The following P2RY8 variants were observed in gnomAD, a reference collection of about 807,000 sequenced individuals.
The protein encoded by P2RY8 is S-geranylgeranyl-glutathione receptor P2RY8.
In P2RY8, 6 loss-of-function variants were observed where a neutral mutation model predicts 10.0. The observed-to-expected ratio is 0.60, with a 90% CI of 0.33 to 1.19. The LOEUF (loss-of-function observed/expected upper bound fraction) is 1.19. Among genes scored for constraint, P2RY8 ranks in the 50% most tolerant of loss-of-function variants. P2RY8 has a pLI of 0.04. For synonymous variants in P2RY8, 276 were observed against 252.5 expected, an observed-to-expected ratio of 1.09 and a Z score of -0.88; for missense variants, 456 against 542.0, an observed-to-expected ratio of 0.84 and a Z score of 1.58.
chrX:1,462,989 A>G lies in P2RY8; in HGVS notation c.*2490T>C, dbSNP rs1325386000. On this transcript the variant is annotated 3_prime_UTR_variant, in exon 2 of 2. Transcript: ENST00000381297. ...ATCATCATACTGACAAAAAAAAAAA[A>G]TCGACGCATTTTGCCTGCTTGCAAC... 1.4e-5 allele frequency: 3 copies of G among 219,930 alleles called. No individual in the cohort carries two copies. The highest frequency in any genetic ancestry group is 6.9e-5 in the African/African-American group (3 of 43,236). The allele number at this position is 219,930 out of a possible 1,614,324, so 13.6% of individuals were successfully genotyped here.
chrX:1,492,575 T>G (rs1466058031), intron 1 of P2RY8, among the ~76,000 whole-genome samples: 2 of 152,066 alleles, frequency 1.3e-5, no homozygotes, highest in Non-Finnish European at 2.9e-5. Flanking sequence ...CTGACAACCA[T>G]GTAAGCTCCT....
intron 1 of P2RY8, among the ~76,000 whole-genome samples, chrX:1,516,091 G>A (rs1189378056): frequency 6.6e-6 from 1 of 151,642 alleles, no homozygotes; most frequent in Non-Finnish European, 1.5e-5. Flanking sequence ...CACCTACTTG[G>A]GAGGCTGAGG....
intron 1 of P2RY8, among the ~76,000 whole-genome samples, chrX:1,499,214 G>A (rs182368527): frequency 7.1e-4 from 105 of 147,156 alleles, no homozygotes; most frequent in Middle Eastern, 3.6e-3. Flanking sequence ...CCAGGCTGGA[G>A]TGCAATGGCA....
chrX:1,516,336 G>A (rs1424484196), intron 1 of P2RY8, among the ~76,000 whole-genome samples: 1 of 152,106 alleles, frequency 6.6e-6, no homozygotes, highest in Non-Finnish European at 1.5e-5. Context: ...AACCCTGTGG[G>A]GACACAGGGA....
At chrX:1,481,093 A>G (rs2091929939) in intron 1 of P2RY8, among the ~76,000 whole-genome samples, 1 of 151,860 alleles carries the variant, frequency 6.6e-6, no homozygotes, top group Admixed American at 6.6e-5. Context: ...GAAGTACCGG[A>G]ACTCTCATTG....
chrX:1,536,418 A>T (rs1405522248), intron 1 of P2RY8, among the ~76,000 whole-genome samples: 4 of 151,800 alleles, frequency 2.6e-5, no homozygotes, highest in African/African-American at 9.7e-5. Flanking sequence ...CCCACCACCA[A>T]GCCCAGCTAA....
intron 1 of P2RY8, among the ~76,000 whole-genome samples, chrX:1,510,447 C>T (rs2092290725): frequency 6.6e-6 from 1 of 152,176 alleles, no homozygotes; most frequent in South Asian, 2.1e-4. Flanking sequence ...GGATCCCCTG[C>T]TCCACCAGCC....
At chrX:1,512,072 C>T (rs753504710) in intron 1 of P2RY8, among the ~76,000 whole-genome samples, 7 of 151,984 alleles carry the variant, frequency 4.6e-5, no homozygotes, top group South Asian at 4.2e-4. Context: ...CCCAGGCTGG[C>T]GGGGGGGTCT....
intron 1 of P2RY8, among the ~76,000 whole-genome samples, chrX:1,468,480 G>T (rs1316871656): frequency 2.0e-5 from 3 of 152,188 alleles, no homozygotes; most frequent in Admixed American, 6.5e-5. Context: ...TGAGGAACGC[G>T]CATGACTAAT....
intron 1 of P2RY8, among the ~76,000 whole-genome samples, chrX:1,477,640 G>A (rs147792588): frequency 1.2e-4 from 18 of 152,182 alleles, no homozygotes; most frequent in African/African-American, 3.1e-4. Flanking sequence ...GGGAAGATGC[G>A]TCTGGCATCT....
At chrX:1,519,859 T>A (rs2092377948) in intron 1 of P2RY8, among the ~76,000 whole-genome samples, 1 of 151,458 alleles carries the variant, frequency 6.6e-6, no homozygotes, top group Non-Finnish European at 1.5e-5. Flanking sequence ...ATCCCCATCA[T>A]CTTCTTGATC....
chrX:1,466,423 A>G lies in P2RY8; in HGVS notation c.136T>C (p.Trp46Arg). The G allele has an allele frequency of 2.5e-6, 4 of 1,613,278 alleles. No homozygotes were observed. Among genetic ancestry groups the G allele is most frequent in the Non-Finnish European group, 3.4e-6 (4 of 1,179,840 alleles). The change falls in exon 2 of 2, where the codon TGG becomes CGG. Residue 46 changes from tryptophan (W) to arginine (R), a missense_variant. Coordinates refer to ENST00000381297, the MANE Select transcript of P2RY8 (RefSeq NM_178129.5). ...GGCCCCATGCGCCGGCACAGCACCC[A>G]CAGAGAGAAGAGGTTGCCCGGGATG... ...VSIPGNLFSL[W>R]VLCRRMGPRS...
At chrX:1,531,432 C>T (rs1453939561) in intron 1 of P2RY8, among the ~76,000 whole-genome samples, 2 of 152,140 alleles carry the variant, frequency 1.3e-5, no homozygotes, top group African/African-American at 2.4e-5. Flanking sequence ...CAGGGTCCCC[C>T]GTAAACAATG....
chrX:1,530,125 C>G (rs1362137473), intron 1 of P2RY8, among the ~76,000 whole-genome samples: 3 of 40,926 alleles, frequency 7.3e-5, no homozygotes, highest in Non-Finnish European at 1.6e-4. Flanking sequence ...ATCTATGCAT[C>G]TATGTATGTA....
rs182033417 is a variant in P2RY8 at position 1,530,234 on chromosome X, A to C, written c.-25+6687T>G. On this transcript the variant is annotated intron_variant, in intron 1 of 1. Coordinates refer to ENST00000381297, the MANE Select transcript of P2RY8 (RefSeq NM_178129.5). Reference sequence around the variant, plus strand: ...TATCTATGTATCCATGTATCTATGTATGTATCTATCTATCTCTATTACCTA... The same window carrying C: ...TATCTATGTATCCATGTATCTATGTCTGTATCTATCTATCTCTATTACCTA... 5.7e-3 allele frequency among the ~76,000 whole-genome samples: 857 copies of C among 151,512 alleles called. 4 individuals are homozygous for C. The highest frequency in any genetic ancestry group is 0.014 in the South Asian group (68 of 4,786).
Position 1,466,214 on chromosome X carries a change from G to C in P2RY8, c.345C>G (p.Thr115=). The C allele has an allele frequency of 6.2e-7, 1 of 1,613,440 alleles. No individual in the cohort carries two copies. Among genetic ancestry groups the C allele is most frequent in the South Asian group, 1.1e-5 (1 of 91,014 alleles). Residue 115 remains threonine (T), a synonymous_variant, in exon 2 of 2, where the codon ACC becomes ACG. Transcript: ENST00000381297. The part of the protein sequence containing the change: ...ANMYSSILTM[T]CISVERFLGV... ...CCAGGAAGCGCTCCACGCTGATACA[G>C]GTCATGGTGAGGATGCTGGAATACA...
At chrX:1,476,944 T>A (rs2091881145) in intron 1 of P2RY8, among the ~76,000 whole-genome samples, 1 of 152,124 alleles carries the variant, frequency 6.6e-6, no homozygotes, top group African/African-American at 2.4e-5. Flanking sequence ...ATCTCAGCAC[T>A]TTGGGAGGCC....
chrX:1,465,952 G>A lies in P2RY8; in HGVS notation c.607C>T (p.Leu203Phe), dbSNP rs1388643185. 1 of 1,612,374 alleles carries A rather than the reference G, an allele frequency of 6.2e-7. No individual in the cohort carries two copies. Among genetic ancestry groups the A allele is most frequent in the African/African-American group, 1.3e-5 (1 of 74,912 alleles). ...FLFTIFILLF[L>F]IPFVITVACY... is the part of the protein sequence containing the mutation. ...GCCACGGTGATCACGAACGGGATGA[G>A]GAACAGCAGGATGAAGATGGTGAAG... is the stretch of plus-strand genomic sequence containing the variant. Residue 203 changes from leucine to phenylalanine, a missense_variant, in exon 2 of 2, where the codon CTC (leucine) becomes TTC (phenylalanine). Coordinates refer to ENST00000381297, the MANE Select transcript of P2RY8 (RefSeq NM_178129.5).
At chrX:1,470,051 T>G (rs1473237441) in intron 1 of P2RY8, among the ~76,000 whole-genome samples, 1 of 152,054 alleles carries the variant, frequency 6.6e-6, no homozygotes, top group African/African-American at 2.4e-5. Context: ...AGAACCATTT[T>G]TATCCCTAAA....
Sources: allele counts gnomAD v4.1 joint callset (sites outside exome capture counted in the v4.1 genomes callset), GRCh38; gene constraint gnomAD v4.1.1; transcripts MANE v1.5; gene names NCBI Gene and HGNC (gene_info 2026-07-23, HGNC 2026-07-21).